ADK: variants seen among roughly 807,000 people sequenced by gnomAD.
ADK encodes the protein adenosine kinase.
Under a neutral mutation model 44.7 loss-of-function variants are expected in ADK, and 24 were observed. The ratio of observed to expected loss-of-function variants is 0.54; its 90% CI spans 0.39 to 0.76. ADK has a LOEUF of 0.76. Among genes scored for constraint, ADK ranks in the 30% least tolerant of loss-of-function variants. ADK has a pLI of 0.00. For missense variants in ADK, 321 were observed against 425.1 expected, an observed-to-expected ratio of 0.76 and a Z score of 2.15; for synonymous variants, 128 against 142.6, an observed-to-expected ratio of 0.90 and a Z score of 0.73.
intron 6 of ADK, among the ~76,000 whole-genome samples, chr10:74,400,232 T>C (rs1265670399): frequency 6.6e-6 from 1 of 152,172 alleles, no homozygotes; most frequent in Non-Finnish European, 1.5e-5. Context: ...ATTTCAGTTG[T>C]TATCTGTGAT....
At chr10:74,590,282 T>C (rs1199160740) in intron 8 of ADK, among the ~76,000 whole-genome samples, 1 of 152,184 alleles carries the variant, frequency 6.6e-6, no homozygotes, top group African/African-American at 2.4e-5. Context: ...TATTTGCATA[T>C]TCAGTATTGT....
intron 7 of ADK, among the ~76,000 whole-genome samples, chr10:74,580,189 CCCAGTGGGAG>C (rs1340171248): frequency 6.6e-6 from 1 of 152,124 alleles, no homozygotes; most frequent in Non-Finnish European, 1.5e-5. Context: ...TGTTGTGGGA[CCCAGTGGGAG>C]GTAATTGAAT....
At chr10:74,355,657 A>G (rs1842111991) in intron 4 of ADK, among the ~76,000 whole-genome samples, 1 of 152,306 alleles carries the variant, frequency 6.6e-6, no homozygotes, top group African/African-American at 2.4e-5. Flanking sequence ...AAAAGTGTCT[A>G]ACTTTTATTC....
At chr10:74,220,813 T>G (rs1228322632) in intron 2 of ADK, among the ~76,000 whole-genome samples, 1 of 152,122 alleles carries the variant, frequency 6.6e-6, no homozygotes, top group African/African-American at 2.4e-5. Flanking sequence ...TTAACAAAAT[T>G]TAACAACCCT....
intron 9 of ADK, among the ~76,000 whole-genome samples, chr10:74,627,426 T>C (rs1478642940): frequency 1.3e-5 from 2 of 152,050 alleles, no homozygotes; most frequent in Non-Finnish European, 1.5e-5. Flanking sequence ...GAGGCTGCAG[T>C]GAGCTATGAT....
At chr10:74,492,178 A>C (rs974996646) in intron 6 of ADK, among the ~76,000 whole-genome samples, 1 of 152,212 alleles carries the variant, frequency 6.6e-6, no homozygotes, top group Non-Finnish European at 1.5e-5. Context: ...TTTATCCAAA[A>C]CAGGAAATTA....
At chr10:74,580,673 G>A (rs534533531) in intron 7 of ADK, among the ~76,000 whole-genome samples, 1 of 151,862 alleles carries the variant, frequency 6.6e-6, no homozygotes, top group African/African-American at 2.4e-5. Context: ...CTTCTGCCAT[G>A]ATTGTGAGGC....
intron 4 of ADK, among the ~76,000 whole-genome samples, chr10:74,322,404 T>G (rs555921509): frequency 2.6e-5 from 4 of 152,324 alleles, no homozygotes; most frequent in Non-Finnish European, 1.5e-5. Context: ...TTCTGCCAAT[T>G]TTATGATTAA....
At chr10:74,216,441 T>C (rs1210349711) in intron 2 of ADK, among the ~76,000 whole-genome samples, 1 of 152,042 alleles carries the variant, frequency 6.6e-6, no homozygotes, top group Admixed American at 6.6e-5. Context: ...CAGAAGAAAA[T>C]AGGCCAGGTG....
chr10:74,608,353 C>T (rs1362006452), intron 9 of ADK, among the ~76,000 whole-genome samples: 1 of 151,940 alleles, frequency 6.6e-6, no homozygotes, highest in African/African-American at 2.4e-5. Flanking sequence ...ACTGGTTTTT[C>T]CTTATCTTCG....
intron 3 of ADK, among the ~76,000 whole-genome samples, chr10:74,284,956 A>T (rs1847101737): frequency 6.6e-6 from 1 of 152,232 alleles, no homozygotes; most frequent in Admixed American, 6.5e-5. Flanking sequence ...AGTGAATATT[A>T]GGGTGCTTAC....
intron 3 of ADK, among the ~76,000 whole-genome samples, chr10:74,278,318 C>A (rs1846778745): frequency 6.9e-6 from 1 of 144,214 alleles, no homozygotes; most frequent in African/African-American, 2.6e-5. Flanking sequence ...TGCACCACTG[C>A]ACTCCAGTCT....
chr10:74,363,631 C>T (rs1842410842), intron 4 of ADK, among the ~76,000 whole-genome samples: 1 of 151,346 alleles, frequency 6.6e-6, no homozygotes, highest in Non-Finnish European at 1.5e-5. Context: ...ACCCTGTAGA[C>T]AAGATAGTTT....
At chr10:74,587,414 A>C (rs535795756) in intron 7 of ADK, among the ~76,000 whole-genome samples, 3 of 152,308 alleles carry the variant, frequency 2.0e-5, no homozygotes, top group Non-Finnish European at 2.9e-5. Flanking sequence ...TCAACTTAAC[A>C]CTTCCTGTTG....
chr10:74,487,945 A>C (rs566675581), intron 6 of ADK, among the ~76,000 whole-genome samples: 1 of 152,196 alleles, frequency 6.6e-6, no homozygotes, highest in East Asian at 1.9e-4. Flanking sequence ...AAGGAGACAT[A>C]ATCCACCCTC....
At chr10:74,305,715 TTC>T (rs1840223517) in intron 3 of ADK, among the ~76,000 whole-genome samples, 2 of 152,112 alleles carry the variant, frequency 1.3e-5, no homozygotes, top group Admixed American at 1.3e-4. Context: ...CCATTTTTTT[TTC>T]TTTCTTTCCT....
chr10:74,287,631 A>G (rs1222113859), intron 3 of ADK, among the ~76,000 whole-genome samples: 3 of 152,190 alleles, frequency 2.0e-5, no homozygotes, highest in Non-Finnish European at 4.4e-5. Context: ...AATGGAAAAC[A>G]TATCAGTGTT....
At chr10:74,495,647 C>G (rs536203054) in intron 6 of ADK, among the ~76,000 whole-genome samples, 7 of 152,230 alleles carry the variant, frequency 4.6e-5, no homozygotes, top group African/African-American at 7.2e-5. Context: ...AGCACTTCAC[C>G]CATTTCCCTA....
chr10:74,693,905 C>T (rs1378178011), intron 10 of ADK, among the ~76,000 whole-genome samples: 2 of 152,206 alleles, frequency 1.3e-5, no homozygotes, highest in Non-Finnish European at 2.9e-5. Context: ...TACTAACTCA[C>T]TCCAAAGGCA....
Sources: allele counts gnomAD v4.1 joint callset (sites outside exome capture counted in the v4.1 genomes callset), GRCh38; gene constraint gnomAD v4.1.1; transcripts MANE v1.5; gene names NCBI Gene and HGNC (gene_info 2026-07-23, HGNC 2026-07-21).